The following CDH4 variants were observed in gnomAD, a reference collection of about 807,000 sequenced individuals.
CDH4 encodes cadherin 4.
In CDH4, 33 loss-of-function variants were observed where a neutral mutation model predicts 86.0. The ratio of observed to expected loss-of-function variants is 0.38; its 90% CI spans 0.29 to 0.51. CDH4 has a LOEUF of 0.51. Ranked by LOEUF, CDH4 falls within the 20% of genes least tolerant of loss-of-function variation. The pLI, the probability that CDH4 is intolerant of heterozygous loss-of-function variation, is 0.86. For missense variants in CDH4, 1,114 were observed against 1,307.4 expected (o/e 0.85, Z 2.28); for synonymous variants, 555 against 549.4 (o/e 1.01, Z -0.14).
intron 2 of CDH4, among the ~76,000 whole-genome samples, chr20:61,433,691 G>A (rs2085263041): frequency 6.6e-6 from 1 of 152,106 alleles, no homozygotes; most frequent in South Asian, 2.1e-4. Flanking sequence ...GAGAGTGGTG[G>A]CGCATGTGCC....
At chr20:61,541,585 G>T (rs1193321726) in intron 2 of CDH4, among the ~76,000 whole-genome samples, 1 of 152,182 alleles carries the variant, frequency 6.6e-6, no homozygotes, top group Non-Finnish European at 1.5e-5. Context: ...AATAAGACCG[G>T]TGTAGAAAAG....
chr20:61,928,487 C>T (rs975583360), intron 12 of CDH4, 64 bp downstream of exon 12: 3 of 1,445,952 alleles, frequency 2.1e-6, no homozygotes, highest in Non-Finnish European at 2.9e-6. Context: ...CTGGGAGACC[C>T]AGCTGGCCTT....
chr20:61,306,767 G>T (rs991144973), intron 2 of CDH4, among the ~76,000 whole-genome samples: 1 of 152,134 alleles, frequency 6.6e-6, no homozygotes, highest in Non-Finnish European at 1.5e-5. Context: ...CTGGGGCACG[G>T]TCCACTCTCC....
chr20:61,253,121 C>T (rs2084074066), intron 1 of CDH4, among the ~76,000 whole-genome samples: 3 of 151,634 alleles, frequency 2.0e-5, no homozygotes, highest in Non-Finnish European at 2.9e-5. Context: ...CGGCAGGACC[C>T]GCGCTGCGGG....
intron 2 of CDH4, among the ~76,000 whole-genome samples, chr20:61,728,820 T>C (rs1178698232): frequency 6.6e-6 from 1 of 152,168 alleles, no homozygotes; most frequent in Non-Finnish European, 1.5e-5. Flanking sequence ...GTTCTAAAAA[T>C]AACTCGCACT....
intron 2 of CDH4, among the ~76,000 whole-genome samples, chr20:61,420,993 C>T (rs561633330): frequency 5.3e-5 from 8 of 152,370 alleles, no homozygotes; most frequent in African/African-American, 1.4e-4. Flanking sequence ...AGGACAGTGA[C>T]GGCAAGGCCT....
chr20:61,934,991 C>T (rs2055163964), intron 15 of CDH4, among the ~76,000 whole-genome samples: 1 of 152,248 alleles, frequency 6.6e-6, no homozygotes, highest in African/African-American at 2.4e-5. Flanking sequence ...TCCCGTCTTC[C>T]ATCTTCCTTT....
At chr20:61,651,469 A>G (rs1419602775) in intron 2 of CDH4, among the ~76,000 whole-genome samples, 1 of 152,100 alleles carries the variant, frequency 6.6e-6, no homozygotes, top group East Asian at 1.9e-4. Flanking sequence ...CCCACCCCTT[A>G]TGACCGGCAG....
rs746683454 is a variant in CDH4, at chr20:61,325,647, C to T, written c.169+70710C>T. Among the ~76,000 whole-genome samples the T allele has an allele frequency of 5.3e-5, 8 of 151,540 alleles. No homozygotes were observed. The South Asian group carries it at 1.7e-3, about 32-fold the overall frequency. ...CCAGGAGCACTGGCCCAGGGTGGTG[C>T]GACTTGGGGGGGCCACAGCAAAGCG... On this transcript the variant is annotated intron_variant, in intron 2 of 15. Transcript: ENST00000614565.
rs528980142 is a variant in CDH4, at chr20:61,776,975, C to G, written c.576+3793C>G. ...TCTAAAGATGAGATCAGCCTGTGTC[C>G]TTTCCTCCCTGATGAACCCACTGTC... On this transcript the variant is annotated intron_variant, in intron 4 of 15. Coordinates refer to ENST00000614565, the MANE Select transcript of CDH4 (RefSeq NM_001794.5). Among the ~76,000 whole-genome samples, 6 of 152,324 alleles carry G rather than the reference C, an allele frequency of 3.9e-5. No homozygotes were observed. The South Asian group carries it at 8.3e-4, about 21-fold the overall frequency.
rs543764208 is a variant in CDH4 at position 61,684,221 on chromosome 20, G to A, written c.170-59342G>A. Among the ~76,000 whole-genome samples, 6,903 of 152,224 alleles carry A rather than the reference G, an allele frequency of 0.045. 524 individuals carry two copies. The highest frequency in any genetic ancestry group is 0.16 in the African/African-American group (6,586 of 41,504). On this transcript the variant is annotated intron_variant, in intron 2 of 15. Transcript: ENST00000614565. The surrounding 1 kb of genome is among the most constrained non-coding windows in gnomAD (Gnocchi z 4.5). ...GTTGCTGCTGGTGAAGGAGGCCGTC[G>A]GAGTGCTGTGAATGAGGGGGACTGG...
Position 61,721,138 on chromosome 20 carries a change from G to A in CDH4, c.170-22425G>A, listed in dbSNP as rs562498455. ...ACAGTGGGACTCAGTGACCTGAAGCGGGAGGTGAATTGAATGCCTCCAGGA... is the reference window on the plus strand; with the variant it reads ...ACAGTGGGACTCAGTGACCTGAAGCAGGAGGTGAATTGAATGCCTCCAGGA... On this transcript the variant is annotated intron_variant, in intron 2 of 15. Transcript: ENST00000614565. Among the ~76,000 whole-genome samples the A allele has an allele frequency of 1.2e-4, 19 of 152,298 alleles. No individual in the cohort carries two copies. In the South Asian group the frequency reaches 3.1e-3, roughly 25 times the overall value.
At chr20:61,651,657 A>C (rs1025844901) in intron 2 of CDH4, among the ~76,000 whole-genome samples, 1 of 152,220 alleles carries the variant, frequency 6.6e-6, no homozygotes, top group Admixed American at 6.5e-5. Context: ...CCATCTGGTC[A>C]GCATTGCTGC....
chr20:61,522,094 T>C (rs1382622647), intron 2 of CDH4, among the ~76,000 whole-genome samples: 1 of 152,248 alleles, frequency 6.6e-6, no homozygotes, highest in Non-Finnish European at 1.5e-5. Flanking sequence ...GGCCTTCTCC[T>C]GAATTCCCAC....
chr20:61,660,685 C>T (rs1356253162), intron 2 of CDH4, among the ~76,000 whole-genome samples: 1 of 152,180 alleles, frequency 6.6e-6, no homozygotes, highest in Non-Finnish European at 1.5e-5. Context: ...CGACCTCACT[C>T]TTGGCTTGGG....
chr20:61,375,610 G>GTAGTGA, intron 2 of CDH4, among the ~76,000 whole-genome samples: 1 of 143,746 alleles, frequency 7.0e-6, no homozygotes. Flanking sequence ...CATAGCACTG[G>GTAGTGA]TGGTGATGGT....
At chr20:61,668,048 C>T (rs2087346674) in intron 2 of CDH4, among the ~76,000 whole-genome samples, 1 of 152,212 alleles carries the variant, frequency 6.6e-6, no homozygotes, top group Admixed American at 6.5e-5. Flanking sequence ...ATGCTAAGTG[C>T]TTCTATATTG....
At position 61,534,661 on chromosome 20, in the gene CDH4, CTTTCT is replaced by C. The variant is rs1395896030; in HGVS notation, c.170-208898_170-208894del. Among the ~76,000 whole-genome samples the C allele has an allele frequency of 4.1e-4, 37 of 89,262 alleles. 1 individual carries two copies. Among genetic ancestry groups the C allele is most frequent in the African/African-American group, 2.5e-3 (33 of 13,192 alleles). 58.6% of individuals were successfully genotyped at this position (89,262 alleles called of 152,430 possible). On this transcript the variant is annotated intron_variant, in intron 2 of 15. Transcript: ENST00000614565. The stretch of plus-strand genomic sequence containing the variant: ...TTTTCTTTCTTTCTTTTCTTTCTTT[CTTTCT>C]TTTTTTTTTTTTTTTTTTTTTGAGG...
At chr20:61,514,727 C>A (rs2085805983) in intron 2 of CDH4, among the ~76,000 whole-genome samples, 1 of 152,242 alleles carries the variant, frequency 6.6e-6, no homozygotes, top group African/African-American at 2.4e-5. Context: ...TGACCCTTGG[C>A]AATGCAGCTG....
Sources: allele counts gnomAD v4.1 joint callset (sites outside exome capture counted in the v4.1 genomes callset), GRCh38; gene constraint gnomAD v4.1.1; non-coding constraint Gnocchi (gnomAD v3.1); transcripts MANE v1.5; gene names NCBI Gene and HGNC (gene_info 2026-07-23, HGNC 2026-07-21).